Variants in KCNC2 observed in about 807,000 individuals in gnomAD.
The protein encoded by KCNC2 is potassium voltage-gated channel subfamily C member 2.
KCNC2 carries 21 observed loss-of-function variants against 44.5 expected under a neutral mutation model. The ratio of observed to expected loss-of-function variants is 0.47; its 90% CI spans 0.33 to 0.68. KCNC2 has a LOEUF of 0.68. Among genes scored for constraint, KCNC2 ranks in the 30% least tolerant of loss-of-function variants. The probability of loss-of-function intolerance (pLI) is 0.01; values close to 1 mark genes in which losing one functional copy is unlikely to be tolerated. For missense variants in KCNC2, 589 were observed against 826.2 expected, an observed-to-expected ratio of 0.71 and a Z score of 3.52; for synonymous variants, 391 against 339.1, an observed-to-expected ratio of 1.15 and a Z score of -1.68.
At chr12:75,075,276 C>T (rs1479837034) in intron 2 of KCNC2, among the ~76,000 whole-genome samples, 2 of 151,676 alleles carry the variant, frequency 1.3e-5, no homozygotes, top group African/African-American at 4.8e-5. Context: ...ACTCAGATCC[C>T]ACCAGGCCAA....
At chr12:75,153,282 G>A (rs1890531463) in intron 2 of KCNC2, among the ~76,000 whole-genome samples, 1 of 151,990 alleles carries the variant, frequency 6.6e-6, no homozygotes, top group Non-Finnish European at 1.5e-5. Context: ...TTTTCTTAAA[G>A]TATGTGTATA....
At chr12:75,068,873 T>C (rs530944428) in intron 2 of KCNC2, among the ~76,000 whole-genome samples, 30 of 152,182 alleles carry the variant, frequency 2.0e-4, no homozygotes, top group Non-Finnish European at 4.0e-4. Flanking sequence ...TTACAAGTTT[T>C]ACCATAACAT....
chr12:75,120,232 C>T (rs891313681), intron 2 of KCNC2, among the ~76,000 whole-genome samples: 8 of 152,186 alleles, frequency 5.3e-5, no homozygotes, highest in African/African-American at 7.2e-5. Flanking sequence ...AGAGATTCCA[C>T]GGTATAGCTA....
intron 2 of KCNC2, among the ~76,000 whole-genome samples, chr12:75,136,171 G>T (rs1200615636): frequency 6.6e-6 from 1 of 151,924 alleles, no homozygotes; most frequent in East Asian, 1.9e-4. Flanking sequence ...AAACATCTGG[G>T]ATGCCACAAA....
chr12:75,087,904 C>T (rs995977227), intron 2 of KCNC2, among the ~76,000 whole-genome samples: 1 of 151,932 alleles, frequency 6.6e-6, no homozygotes, highest in South Asian at 2.1e-4. Context: ...AACCCTTTGG[C>T]CCCCAGTACT....
intron 2 of KCNC2, among the ~76,000 whole-genome samples, chr12:75,206,192 A>G (rs2031672920): frequency 6.6e-6 from 1 of 152,228 alleles, no homozygotes; most frequent in South Asian, 2.1e-4. Context: ...GCCAAAGTAA[A>G]GTTGGGAGAA....
chr12:75,086,667 A>ATATATATAT, intron 2 of KCNC2, among the ~76,000 whole-genome samples: 1 of 65,738 alleles, frequency 1.5e-5, no homozygotes, highest in African/African-American at 3.4e-5. Flanking sequence ...TGGCAAAAAA[A>ATATATATAT]AAAAAAAAAA....
Position 75,114,543 on chromosome 12 carries a change from G to A in KCNC2, c.688-63226C>T, listed in dbSNP as rs376041592. 2.1e-4 allele frequency among the ~76,000 whole-genome samples: 32 copies of A among 152,258 alleles called. 1 individual carries two copies. The highest frequency in any genetic ancestry group is 7.0e-4 in the African/African-American group (29 of 41,544). On this transcript the variant is annotated intron_variant, in intron 2 of 4. Coordinates refer to ENST00000549446, the MANE Select transcript of KCNC2 (RefSeq NM_139137.4). ...GTATTCTGTAATGTTCTGCTGCTAC[G>A]AGTAAGGGCTATAAAGAAAAATATA... is the stretch of plus-strand genomic sequence containing the variant.
chr12:75,084,823 A>G (rs186794300), intron 2 of KCNC2, among the ~76,000 whole-genome samples: 2 of 151,970 alleles, frequency 1.3e-5, no homozygotes, highest in Admixed American at 6.6e-5. Flanking sequence ...AAGCATATTC[A>G]TTGAAGATAT....
intron 2 of KCNC2, among the ~76,000 whole-genome samples, chr12:75,069,567 A>T (rs1272707408): frequency 6.6e-6 from 1 of 152,112 alleles, no homozygotes; most frequent in Admixed American, 6.6e-5. Flanking sequence ...CAGTAGACAA[A>T]TTTTGGTGGT....
intron 2 of KCNC2, among the ~76,000 whole-genome samples, chr12:75,171,374 C>A (rs1298869712): frequency 2.6e-5 from 4 of 151,808 alleles, no homozygotes; most frequent in African/African-American, 9.7e-5. Flanking sequence ...CCTGTGTACA[C>A]TAGGATTGGG....
intron 4 of KCNC2, among the ~76,000 whole-genome samples, chr12:75,046,061 A>G (rs1880473015): frequency 6.6e-6 from 1 of 151,796 alleles, no homozygotes; most frequent in Non-Finnish European, 1.5e-5. Flanking sequence ...AAGATAACCA[A>G]CTGAAACGAT....
At chr12:75,142,382 A>G (rs1306341537) in intron 2 of KCNC2, among the ~76,000 whole-genome samples, 4 of 152,242 alleles carry the variant, frequency 2.6e-5, no homozygotes, top group Non-Finnish European at 5.9e-5. Context: ...TGAAAATAAA[A>G]TAATAATAAA....
At chr12:75,138,421 T>C (rs1212736567) in intron 2 of KCNC2, among the ~76,000 whole-genome samples, 1 of 152,198 alleles carries the variant, frequency 6.6e-6, no homozygotes, top group Non-Finnish European at 1.5e-5. Context: ...GACTACCTGT[T>C]TTCAGAATCA....
chr12:75,185,209 C>T (rs896894336), intron 2 of KCNC2, among the ~76,000 whole-genome samples: 2 of 152,118 alleles, frequency 1.3e-5, no homozygotes, highest in African/African-American at 2.4e-5. Context: ...GAATTATGAA[C>T]ATCTTTGGGC....
chr12:75,101,291 T>C (rs1324094139), intron 2 of KCNC2, among the ~76,000 whole-genome samples: 4 of 151,534 alleles, frequency 2.6e-5, no homozygotes, highest in Non-Finnish European at 5.9e-5. Flanking sequence ...TTCACACTGA[T>C]GAGAATGGTT....
intron 2 of KCNC2, among the ~76,000 whole-genome samples, chr12:75,085,264 G>A (rs1884902152): frequency 6.6e-6 from 1 of 151,914 alleles, no homozygotes; most frequent in Admixed American, 6.6e-5. Flanking sequence ...ATTATCTTAT[G>A]TTACATATCT....
rs1565806788 is a variant in KCNC2, at chr12:75,048,205, G to A, written c.1728C>T (p.Phe576=). The A allele has an allele frequency of 6.2e-7, 1 of 1,613,028 alleles. No individual in the cohort carries two copies. Among genetic ancestry groups the A allele is most frequent in the South Asian group, 1.1e-5 (1 of 91,032 alleles). Residue 576 remains phenylalanine, a synonymous_variant, in exon 4 of 5, where the codon TTC becomes TTT. Transcript: ENST00000549446. ...ACGTGTAATCACCTGTCGTCAGTAG[G>A]AAACATGTTTCCCCTCTTCTGTTTT... is the stretch of plus-strand genomic sequence containing the variant. ...RDKNRRGETC[F]LLTTGDYTCA...
chr12:75,132,746 A>G lies in KCNC2; in HGVS notation c.687+74551T>C, dbSNP rs560385516. ...GTTTTATGGTGTATTTTCTTACATG[A>G]TTAATAATTTTTCATAGTGATACAT... On this transcript the variant is annotated intron_variant, in intron 2 of 4. Coordinates refer to ENST00000549446, the MANE Select transcript of KCNC2 (RefSeq NM_139137.4). Among the ~76,000 whole-genome samples the G allele has an allele frequency of 8.5e-5, 13 of 152,238 alleles. No individual in the cohort carries two copies. In the South Asian group the frequency reaches 2.7e-3, roughly 32 times the overall value.
Sources: allele counts gnomAD v4.1 joint callset (sites outside exome capture counted in the v4.1 genomes callset), GRCh38; gene constraint gnomAD v4.1.1; transcripts MANE v1.5; gene names NCBI Gene and HGNC (gene_info 2026-07-23, HGNC 2026-07-21).